The following CACNA1C variants were observed in gnomAD, a reference collection of about 807,000 sequenced individuals.
The protein encoded by CACNA1C is voltage-dependent L-type calcium channel subunit alpha-1C.
CACNA1C carries 30 observed loss-of-function variants against 229.0 expected under a neutral mutation model. The ratio of observed to expected loss-of-function variants is 0.13; its 90% CI spans 0.10 to 0.18. The LOEUF is 0.18. Ranked by LOEUF, CACNA1C falls within the 10% of genes least tolerant of loss-of-function variation. The pLI is 1.00. For missense variants in CACNA1C, 1,658 were observed against 2,845.0 expected, an observed-to-expected ratio of 0.58 and a Z score of 9.49; for synonymous variants, 1,114 against 1,132.5, an observed-to-expected ratio of 0.98 and a Z score of 0.33.
rs1007594694 is a variant in CACNA1C at position 2,141,990 on chromosome 12, C to G, written c.477+21560C>G. On this transcript the variant is annotated intron_variant, in intron 3 of 46. Transcript: ENST00000399655. ...AGGGTATCCTCTCCTTTCCAGCATT[C>G]CTTCATTTGGGGAGCACTGCCTCCT... Among the ~76,000 whole-genome samples the G allele has an allele frequency of 5.3e-5, 8 of 151,162 alleles. 1 individual carries two copies. Among genetic ancestry groups the G allele is most frequent in the Admixed American group, 4.7e-4 (7 of 15,014 alleles).
chr12:2,217,766 A>G (rs918647346), intron 3 of CACNA1C: 2 of 152,146 alleles, frequency 1.3e-5, no homozygotes, highest in Non-Finnish European at 2.9e-5. Context: ...ATCAGACACT[A>G]CTGGGTTCAA....
chr12:2,570,756 G>A (rs922844212), intron 13 of CACNA1C, among the ~76,000 whole-genome samples: 2 of 152,140 alleles, frequency 1.3e-5, no homozygotes, highest in Non-Finnish European at 2.9e-5. Flanking sequence ...AAAGTGTGGT[G>A]GGCGTGGGAA....
rs775251529 is a variant in CACNA1C, at chr12:2,679,681, C to T, written c.5329C>T (p.Arg1777Cys). The part of the protein sequence containing the change: ...INNANNTALG[R>C]LPRPAGYPST... The stretch of plus-strand genomic sequence containing the variant: ...CAACGCCAACAACACCGCCCTGGGT[C>T]GCCTCCCTCGCCCCGCCGGCTACCC... The change falls in exon 42 of 47, where the codon CGC (arginine) becomes TGC (cysteine). Residue 1777 changes from arginine (R) to cysteine (C), a missense_variant. By Grantham distance (180) the Arg-to-Cys change is radical. Around this residue, in one of 20 missense-constraint regions of CACNA1C, gnomAD observed 590 missense variants for 700.8 expected, o/e 0.84. Transcript: ENST00000399655. This position sits in a 1 kb window ranked among gnomAD's most constrained non-coding sequence, Gnocchi z 5.5. 3.5e-5 allele frequency: 57 copies of T among 1,612,938 alleles called. 1 individual carries two copies. The East Asian group carries it at 4.7e-4, about 13-fold the overall frequency.
At chr12:2,404,896 C>T (rs918751442) in intron 3 of CACNA1C, among the ~76,000 whole-genome samples, 26 of 152,140 alleles carry the variant, frequency 1.7e-4, no homozygotes, top group African/African-American at 5.6e-4. Flanking sequence ...GAAGGATCCA[C>T]GTACATGTTT....
Position 2,015,849 on chromosome 12 carries a change from C to T in CACNA1C, c.139+44648C>T, listed in dbSNP as rs563186767. 3.9e-5 allele frequency among the ~76,000 whole-genome samples: 6 copies of T among 152,278 alleles called. No individual in the cohort carries two copies. In the South Asian group the frequency reaches 1.0e-3, roughly 26 times the overall value. On this transcript the variant is annotated intron_variant, in intron 1 of 46. Transcript: ENST00000682462. ...CCTAGGTAAACCTCAGCTTCCTTCT[C>T]AATAAAATGAGGTTGCTAATCATAT... is the stretch of plus-strand genomic sequence containing the variant.
intron 9 of CACNA1C, among the ~76,000 whole-genome samples, chr12:2,522,480 TG>T (rs2099811849): frequency 6.6e-6 from 1 of 152,174 alleles, no homozygotes; most frequent in African/African-American, 2.4e-5. Context: ...GAGTGTATTG[TG>T]GTTGACAGAA....
At chr12:2,203,797 A>G (rs1266366062) in intron 3 of CACNA1C, among the ~76,000 whole-genome samples, 1 of 152,104 alleles carries the variant, frequency 6.6e-6, no homozygotes. Flanking sequence ...CATTTGGGAT[A>G]TGTTTTCACA....
chr12:2,656,599 C>G (rs192567425), intron 34 of CACNA1C, among the ~76,000 whole-genome samples: 1 of 152,266 alleles, frequency 6.6e-6, no homozygotes, highest in Admixed American at 6.5e-5. Context: ...TCATATGGAA[C>G]CACAAAAGAC....
At chr12:2,580,477 G>A (rs2060101969) in intron 13 of CACNA1C, among the ~76,000 whole-genome samples, 1 of 152,200 alleles carries the variant, frequency 6.6e-6, no homozygotes. Flanking sequence ...TCAAGGGAGT[G>A]ACCTAGGAGG....
chr12:2,164,370 G>C (rs1030467576), intron 3 of CACNA1C, among the ~76,000 whole-genome samples: 1 of 152,206 alleles, frequency 6.6e-6, no homozygotes, highest in Non-Finnish European at 1.5e-5. Context: ...CAGAGACCAG[G>C]TTTTGTTGCC....
At chr12:2,043,857 T>C (rs1395811486) in intron 1 of CACNA1C, among the ~76,000 whole-genome samples, 1 of 148,054 alleles carries the variant, frequency 6.8e-6, no homozygotes, top group Non-Finnish European at 1.5e-5. Flanking sequence ...GGGTTTCACC[T>C]TGTTAGCCAG....
intron 3 of CACNA1C, among the ~76,000 whole-genome samples, chr12:2,183,262 A>G (rs2096894454): frequency 6.6e-6 from 1 of 152,138 alleles, no homozygotes; most frequent in African/African-American, 2.4e-5. Context: ...AAAAAAGAAA[A>G]AAGAAAGTTT....
At chr12:2,041,810 G>A (rs1177426712) in intron 1 of CACNA1C, among the ~76,000 whole-genome samples, 1 of 152,228 alleles carries the variant, frequency 6.6e-6, no homozygotes, top group Non-Finnish European at 1.5e-5. Context: ...AAGAGCAGCA[G>A]CCTGAACCAA....
chr12:2,586,442 G>C (rs2062495917), intron 18 of CACNA1C, among the ~76,000 whole-genome samples: 1 of 152,210 alleles, frequency 6.6e-6, no homozygotes, highest in Non-Finnish European at 1.5e-5. Context: ...TTGGCAGGCA[G>C]TCTGCTTCTC....
rs112312080 is a variant in CACNA1C at position 2,245,344 on chromosome 12, C to T, written c.477+124914C>T. On this transcript the variant is annotated intron_variant, in intron 3 of 46. Coordinates refer to ENST00000399655, the MANE Select transcript of CACNA1C (RefSeq NM_000719.7). ...CTTCAGCACATGCATGCTTGCTTAG[C>T]CACCCGGGTTTAAATTTTCATTGAC... is the stretch of plus-strand genomic sequence containing the variant. 3.4e-3 allele frequency among the ~76,000 whole-genome samples: 522 copies of T among 152,250 alleles called. 1 individual carries two copies. The highest frequency in any genetic ancestry group is 5.7e-3 in the Non-Finnish European group (387 of 68,008).
At position 2,632,297 on chromosome 12, in the gene CACNA1C, T is replaced by TG. The variant is rs3216323; in HGVS notation, c.3829-1996dup. On this transcript the variant is annotated intron_variant, in intron 29 of 46. Transcript: ENST00000399655. This position sits in a 1 kb window ranked among gnomAD's most constrained non-coding sequence, Gnocchi z 4.1. Reference sequence around the variant, plus strand: ...ATGACCGCCTGTAGCTGGGGGTGTATGGGGACTATGACCGCCTGTAGCTGG... The same window carrying TG: ...ATGACCGCCTGTAGCTGGGGGTGTATGGGGGACTATGACCGCCTGTAGCTGG... 0.9 allele frequency among the ~76,000 whole-genome samples: 136,368 copies of TG among 151,500 alleles called. 61,501 individuals carry two copies. Among genetic ancestry groups the TG allele is most frequent in the Non-Finnish European group, 0.92 (62,509 of 67,868 alleles).
chr12:2,487,272 A>T (rs75174717), intron 6 of CACNA1C, among the ~76,000 whole-genome samples: 1 of 151,954 alleles, frequency 6.6e-6, no homozygotes, highest in Non-Finnish European at 1.5e-5. Flanking sequence ...TGCCGGAAAC[A>T]GTGAAGGATA....
At chr12:2,398,312 T>C (rs2098623715) in intron 3 of CACNA1C, among the ~76,000 whole-genome samples, 1 of 152,278 alleles carries the variant, frequency 6.6e-6, no homozygotes, top group Admixed American at 6.5e-5. Flanking sequence ...TATTGAGCTT[T>C]ACCTCGTGAA....
At position 2,282,957 on chromosome 12, in the gene CACNA1C, G is replaced by T. The variant is rs147329144; in HGVS notation, c.477+162527G>T. 3.9e-3 allele frequency among the ~76,000 whole-genome samples: 597 copies of T among 151,874 alleles called. 4 individuals carry two copies. Among genetic ancestry groups the T allele is most frequent in the African/African-American group, 0.014 (571 of 41,394 alleles). On this transcript the variant is annotated intron_variant, in intron 3 of 46. Transcript: ENST00000399655. ...AAGATGGTTGTCAATGGGGCTCCAG[G>T]CATCACACCCCCATTCAAGGCAGGT...
Sources: gnomAD v4.1 joint callset for allele counts (sites outside exome capture counted in the v4.1 genomes callset) on GRCh38, gnomAD v4.1.1 for gene constraint, gnomAD v4.1.1 regional missense constraint, Gnocchi (gnomAD v3.1) non-coding constraint, MANE v1.5 for transcripts, NCBI Gene and HGNC (gene_info 2026-07-23, HGNC 2026-07-21) for gene names.